DNAJC8: variants seen among roughly 807,000 people sequenced by gnomAD.
DNAJC8 encodes the protein DnaJ heat shock protein family (Hsp40) member C8.
A neutral mutation model predicts 43.2 loss-of-function variants in DNAJC8; 24 were observed. The observed-to-expected ratio is 0.56, with a 90% CI of 0.40 to 0.78. The LOEUF is 0.78. Among genes scored for constraint, DNAJC8 ranks in the 30% least tolerant of loss-of-function variants. The probability of loss-of-function intolerance (pLI) is 0.00; values close to 1 mark genes in which losing one functional copy is unlikely to be tolerated. For synonymous variants in DNAJC8, 83 were observed against 98.0 expected (o/e 0.85, Z 0.90); for missense variants, 207 against 299.4 (o/e 0.69, Z 2.28).
At chr1:28,230,931 G>T (rs1228567798) in intron 1 of DNAJC8, among the ~76,000 whole-genome samples, 1 of 152,222 alleles carries the variant, frequency 6.6e-6, no homozygotes, top group Admixed American at 6.5e-5. Flanking sequence ...CTGCTGGGGG[G>T]CAACTCCATT....
chr1:28,221,689 T>C (rs944338244), intron 2 of DNAJC8, among the ~76,000 whole-genome samples: 1 of 152,206 alleles, frequency 6.6e-6, no homozygotes, highest in Non-Finnish European at 1.5e-5. Context: ...TATGGCTAGA[T>C]AGAAAGAACA....
chr1:28,210,565 A>T lies in DNAJC8; in HGVS notation c.304+6T>A. The T allele has an allele frequency of 1.2e-6, 2 of 1,613,414 alleles. No homozygotes were observed. Among genetic ancestry groups the T allele is most frequent in the Non-Finnish European group, 1.7e-6 (2 of 1,179,450 alleles). On this transcript the variant is annotated splice_donor_region_variant and intron_variant, in intron 4 of 8. Coordinates refer to ENST00000263697, the MANE Select transcript of DNAJC8 (RefSeq NM_014280.3). The stretch of plus-strand genomic sequence containing the variant: ...AATACTCAGAAGCAGGTAAATTTAC[A>T]AATACCTTCAAAAGCCTTTTGTGCT...
chr1:28,220,442 C>T (rs140652984), intron 2 of DNAJC8, among the ~76,000 whole-genome samples: 3 of 152,348 alleles, frequency 2.0e-5, no homozygotes, highest in Non-Finnish European at 4.4e-5. Flanking sequence ...GAATCCCATA[C>T]AGTGGGCACT....
At chr1:28,201,613 A>AC (rs1191861591) in intron 8 of DNAJC8, among the ~76,000 whole-genome samples, 5 of 152,058 alleles carry the variant, frequency 3.3e-5, no homozygotes, top group Non-Finnish European at 7.4e-5. Flanking sequence ...ACATGGTGAA[A>AC]CCCTGTGTCT....
rs892031134 is a variant in DNAJC8, at chr1:28,219,205, T to TA, written c.181-4210dup. Reference sequence around the variant, plus strand: ...AAAATGGTTATAGTGGTTCTTGAGTTAAAAAAAAAAACCCTAAAATTGGCC... The same window carrying TA: ...AAAATGGTTATAGTGGTTCTTGAGTTAAAAAAAAAAAACCCTAAAATTGGCC... On this transcript the variant is annotated intron_variant, in intron 2 of 8. Coordinates refer to ENST00000263697, the MANE Select transcript of DNAJC8 (RefSeq NM_014280.3). Among the ~76,000 whole-genome samples, 479 of 146,146 alleles carry TA rather than the reference T, an allele frequency of 3.3e-3. 2 individuals are homozygous for TA. Among genetic ancestry groups the TA allele is most frequent in the East Asian group, 0.01 (52 of 5,034 alleles).
At chr1:28,229,625 A>C (rs2149025455) in intron 1 of DNAJC8, among the ~76,000 whole-genome samples, 1 of 152,154 alleles carries the variant, frequency 6.6e-6, no homozygotes, top group East Asian at 1.9e-4. Flanking sequence ...AATACAAAAA[A>C]TTAGCTGGGC....
chr1:28,208,600 A>G, intron 5 of DNAJC8, 187 bp from the exon 6 acceptor site: 1 of 379,908 alleles, frequency 2.6e-6, no homozygotes, highest in Non-Finnish European at 4.7e-6. Flanking sequence ...ATTAGGAACC[A>G]CAAGTCCTTT....
chr1:28,205,243 T>C lies in DNAJC8; in HGVS notation c.563+15A>G, dbSNP rs1326395426. 3.2e-6 allele frequency: 5 copies of C among 1,579,754 alleles called. No individual in the cohort carries two copies. In the African/African-American group the frequency reaches 5.4e-5, roughly 17 times the overall value. On this transcript the variant is annotated intron_variant, in intron 7 of 8. Coordinates refer to ENST00000263697, the MANE Select transcript of DNAJC8 (RefSeq NM_014280.3). Reference sequence around the variant, plus strand: ...GGTATTTAAATATGGTTTAAATGAATATACTGATATGTACCTTTCATGCAT... The same window carrying C: ...GGTATTTAAATATGGTTTAAATGAACATACTGATATGTACCTTTCATGCAT...
chr1:28,233,020 T>G lies in DNAJC8; in HGVS notation c.-22A>C. 1.2e-6 allele frequency: 2 copies of G among 1,609,744 alleles called. No homozygotes were observed. The highest frequency in any genetic ancestry group is 8.5e-7 in the Non-Finnish European group (1 of 1,179,926). On this transcript the variant is annotated 5_prime_UTR_variant, in exon 1 of 9. Transcript: ENST00000263697. ...CCATTTCCCCGGCCCAGCCACCACG[T>G]GACCCTTCTGCGCAGGCGTCGCCTC...
rs143873627 is a variant in DNAJC8 at position 28,207,431 on chromosome 1, TTTGTTG to T, written c.471+905_471+910del. ...ATATGTTTTAAGTTCAAATAAAATGTTTGTTGTTGTTGTTGTTGTTGTTGTTGTTTT... is the reference window on the plus strand; with the variant it reads ...ATATGTTTTAAGTTCAAATAAAATGTTTGTTGTTGTTGTTGTTGTTGTTTT... On this transcript the variant is annotated intron_variant, in intron 6 of 8. Coordinates refer to ENST00000263697, the MANE Select transcript of DNAJC8 (RefSeq NM_014280.3). 1.4e-3 allele frequency among the ~76,000 whole-genome samples: 212 copies of T among 150,554 alleles called. 1 individual carries two copies. The highest frequency in any genetic ancestry group is 2.4e-3 in the Non-Finnish European group (161 of 67,642).
In DNAJC8 at chr1:28,208,341, C is replaced by A; in HGVS notation, c.471+1G>T. The stretch of plus-strand genomic sequence containing the variant: ...AGTGGCTTTTCCTATATTTAACTCA[C>A]CAGCTCAGGATCATCCTCCTCTACA... On this transcript the variant is annotated splice_donor_variant, in intron 6 of 8. Coordinates refer to ENST00000263697, the MANE Select transcript of DNAJC8 (RefSeq NM_014280.3). LOFTEE classifies it high-confidence loss of function. The A allele has an allele frequency of 1.2e-6, 2 of 1,612,038 alleles. No homozygotes were observed. Among genetic ancestry groups the A allele is most frequent in the Non-Finnish European group, 1.7e-6 (2 of 1,178,882 alleles).
chr1:28,206,351 A>G (rs1477853766), intron 6 of DNAJC8, among the ~76,000 whole-genome samples: 1 of 152,064 alleles, frequency 6.6e-6, no homozygotes, highest in Non-Finnish European at 1.5e-5. Flanking sequence ...CCTAAGCTGA[A>G]AAGATCCTCC....
rs1646816559 is a variant in DNAJC8 at position 28,212,173 on chromosome 1, ATATATATATATATAT to A, written c.238-1551_238-1537del. On this transcript the variant is annotated intron_variant, in intron 3 of 8. Coordinates refer to ENST00000263697, the MANE Select transcript of DNAJC8 (RefSeq NM_014280.3). ...TCCGTCTCAATAAATAAATAAATAT[ATATATATATATATAT>A]ATATATATATATATATATATATATA... Among the ~76,000 whole-genome samples, 551 of 79,340 alleles carry A rather than the reference ATATATATATATATAT, an allele frequency of 6.9e-3. 37 individuals are homozygous for A. Among genetic ancestry groups the A allele is most frequent in the African/African-American group, 0.023 (406 of 17,958 alleles). The allele number at this position is 79,340 out of a possible 152,430, so 52.1% of individuals were successfully genotyped here.
chr1:28,211,529 G>C (rs1376910175), intron 3 of DNAJC8, among the ~76,000 whole-genome samples: 3 of 152,208 alleles, frequency 2.0e-5, no homozygotes, highest in Non-Finnish European at 4.4e-5. Context: ...GCAGGTATGA[G>C]ACATCAACTC....
At chr1:28,212,170 T>TAAAAAAAA (rs1314233756) in intron 3 of DNAJC8, among the ~76,000 whole-genome samples, 22 of 23,726 alleles carry the variant, frequency 9.3e-4, no homozygotes, top group Non-Finnish European at 1.6e-3. Flanking sequence ...AATAAATAAA[T>TAAAAAAAA]ATATATATAT....
chr1:28,228,175 C>A (rs1646949988), intron 2 of DNAJC8, among the ~76,000 whole-genome samples: 1 of 151,762 alleles, frequency 6.6e-6, no homozygotes, highest in Non-Finnish European at 1.5e-5. Context: ...ATGGTGAAAC[C>A]CCATCTCTAC....
At chr1:28,208,560 CT>C (rs1646786986) in intron 5 of DNAJC8, 147 bp from the exon 6 acceptor site, 2 of 414,008 alleles carry the variant, frequency 4.8e-6, no homozygotes, top group Admixed American at 8.5e-5. Flanking sequence ...CCTCCCCTCC[CT>C]CCTCAAAAGA....
chr1:28,215,201 T>C (rs1480976290), intron 2 of DNAJC8, among the ~76,000 whole-genome samples: 1 of 152,170 alleles, frequency 6.6e-6, no homozygotes, highest in African/African-American at 2.4e-5. Flanking sequence ...TGTCTTATGG[T>C]ACTCAAATAA....
At chr1:28,218,421 A>T (rs1004742230) in intron 2 of DNAJC8, among the ~76,000 whole-genome samples, 5 of 142,904 alleles carry the variant, frequency 3.5e-5, no homozygotes, top group East Asian at 2.1e-4. Context: ...TAAACAAATA[A>T]TTTTTTTTTT....
Sources: allele counts gnomAD v4.1 joint callset (sites outside exome capture counted in the v4.1 genomes callset), GRCh38; gene constraint gnomAD v4.1.1; transcripts MANE v1.5; gene names NCBI Gene and HGNC (gene_info 2026-07-23, HGNC 2026-07-21).